The following SHISA9 variants were observed in gnomAD, a reference collection of about 807,000 sequenced individuals.
The protein encoded by SHISA9 is protein shisa-9.
In SHISA9, 13 loss-of-function variants were observed where a neutral mutation model predicts 38.0. The observed-to-expected ratio is 0.34, with a 90% CI of 0.22 to 0.54. The LOEUF (loss-of-function observed/expected upper bound fraction) is 0.54, where lower values mean the gene tolerates loss of function less well. Ranked by LOEUF, SHISA9 falls within the 20% of genes least tolerant of loss-of-function variation. The probability of loss-of-function intolerance (pLI) is 0.91; values close to 1 mark genes in which losing one functional copy is unlikely to be tolerated. For missense variants in SHISA9, 538 were observed against 575.8 expected, an observed-to-expected ratio of 0.93 and a Z score of 0.67; for synonymous variants, 275 against 242.0, an observed-to-expected ratio of 1.14 and a Z score of -1.27.
chr16:13,071,503 G>A (rs1342385849), intron 2 of SHISA9, among the ~76,000 whole-genome samples: 1 of 150,372 alleles, frequency 6.7e-6, no homozygotes, highest in Admixed American at 6.7e-5. Context: ...TTTAACCCTG[G>A]CCTTTCCATT....
intron 4 of SHISA9, among the ~76,000 whole-genome samples, chr16:13,231,750 G>A (rs537883180): frequency 2.0e-5 from 3 of 152,274 alleles, no homozygotes; most frequent in East Asian, 1.9e-4. Flanking sequence ...GAAAGAGTGC[G>A]GTGATCAATG....
chr16:13,374,109 G>A, the SHISA9 span, among the ~76,000 whole-genome samples: 1 of 152,130 alleles, frequency 6.6e-6, no homozygotes, highest in Non-Finnish European at 1.5e-5. Flanking sequence ...ACGTTGGCCA[G>A]CATTAGGCCA....
At chr16:12,911,458 A>G (rs1044329010) in intron 1 of SHISA9, 57 of 840,790 alleles carry the variant, frequency 6.8e-5, no homozygotes, top group Non-Finnish European at 8.0e-5. Flanking sequence ...CCCACGAACA[A>G]TGATTAGGTA....
rs542951886 is a variant in SHISA9, at chr16:13,109,015, C to T, written c.692-94379C>T. Among the ~76,000 whole-genome samples the T allele has an allele frequency of 5.3e-5, 8 of 152,284 alleles. No individual in the cohort carries two copies. The South Asian group carries it at 1.7e-3, about 32-fold the overall frequency. ...ATTCAGGGTGGCTGCTTTGACCTGG[C>T]TCTCTCTAGACTCCAGAGCATTTTG... On this transcript the variant is annotated intron_variant, in intron 2 of 4. Coordinates refer to ENST00000558583, the MANE Select transcript of SHISA9 (RefSeq NM_001145204.3).
At chr16:13,374,260 G>A in the SHISA9 span, among the ~76,000 whole-genome samples, 1 of 151,508 alleles carries the variant, frequency 6.6e-6, no homozygotes, top group African/African-American at 2.4e-5. Context: ...TTGGTGTGCT[G>A]CACCCGTTAA....
chr16:12,931,446 C>T (rs976062840), intron 2 of SHISA9, among the ~76,000 whole-genome samples: 2 of 152,120 alleles, frequency 1.3e-5, no homozygotes, highest in South Asian at 2.1e-4. Flanking sequence ...CTCCCTTTCT[C>T]GCCCTCTAGC....
chr16:13,285,320 T>C, the SHISA9 span, among the ~76,000 whole-genome samples: 1 of 152,172 alleles, frequency 6.6e-6, no homozygotes, highest in Non-Finnish European at 1.5e-5. Flanking sequence ...GTGGTATTTA[T>C]TGGTTGCTAT....
At chr16:13,048,516 G>C (rs2073213221) in intron 2 of SHISA9, among the ~76,000 whole-genome samples, 1 of 152,140 alleles carries the variant, frequency 6.6e-6, no homozygotes, top group Non-Finnish European at 1.5e-5. Flanking sequence ...CCACCTCCCA[G>C]GTTCAAGTGA....
At chr16:13,045,621 AGAGGGAGAGGG>A (rs2073178505) in intron 2 of SHISA9, among the ~76,000 whole-genome samples, 2 of 151,734 alleles carry the variant, frequency 1.3e-5, no homozygotes, top group Admixed American at 1.3e-4. Context: ...AGGGAGAGGG[AGAGGGAGAGGG>A]AGAGGGAGAA....
At chr16:13,030,309 G>T (rs1312674099) in intron 2 of SHISA9, among the ~76,000 whole-genome samples, 1 of 152,114 alleles carries the variant, frequency 6.6e-6, no homozygotes, top group Non-Finnish European at 1.5e-5. Context: ...TTCTAGAAGT[G>T]CTGGAGAGTC....
the SHISA9 span, among the ~76,000 whole-genome samples, chr16:13,370,748 C>T: frequency 6.6e-6 from 1 of 152,048 alleles, no homozygotes; most frequent in African/African-American, 2.4e-5. Context: ...AAACTACCCT[C>T]TATTTGAATG....
the SHISA9 span, among the ~76,000 whole-genome samples, chr16:13,519,403 C>T: frequency 2.6e-5 from 4 of 152,228 alleles, no homozygotes; most frequent in Admixed American, 6.5e-5. Context: ...CACAGCTCAA[C>T]GGGTGATGGG....
intron 4 of SHISA9, among the ~76,000 whole-genome samples, chr16:13,224,452 G>A (rs1454894567): frequency 6.6e-6 from 1 of 152,192 alleles, no homozygotes; most frequent in Non-Finnish European, 1.5e-5. Flanking sequence ...CAGACTGAAT[G>A]ACCAGGAGAT....
At chr16:13,183,433 C>T (rs762060710) in intron 2 of SHISA9, among the ~76,000 whole-genome samples, 1 of 152,238 alleles carries the variant, frequency 6.6e-6, no homozygotes, top group Non-Finnish European at 1.5e-5. Context: ...AAGATCTCTT[C>T]CCAATGTACT....
the SHISA9 span, among the ~76,000 whole-genome samples, chr16:13,384,453 T>C: frequency 1.3e-5 from 2 of 152,352 alleles, no homozygotes; most frequent in African/African-American, 4.8e-5. Context: ...TTGGAATAAG[T>C]AGAAGTATTC....
chr16:13,501,302 T>C, the SHISA9 span, among the ~76,000 whole-genome samples: 2 of 152,094 alleles, frequency 1.3e-5, no homozygotes, highest in East Asian at 1.9e-4. Context: ...AGTCCTGAGG[T>C]TGAAAAACTC....
At chr16:13,341,438 G>A in the SHISA9 span, among the ~76,000 whole-genome samples, 1 of 151,972 alleles carries the variant, frequency 6.6e-6, no homozygotes, top group African/African-American at 2.4e-5. Flanking sequence ...GTAAGGAGAT[G>A]GAGATTGAAA....
At chr16:13,264,168 ATC>A in the SHISA9 span, among the ~76,000 whole-genome samples, 2 of 137,936 alleles carry the variant, frequency 1.4e-5, no homozygotes, top group Non-Finnish European at 3.1e-5. Flanking sequence ...ATTGTTTTAA[ATC>A]TTTTTTTTTT....
At chr16:13,143,181 TG>T (rs1596678326) in intron 2 of SHISA9, among the ~76,000 whole-genome samples, 1 of 152,028 alleles carries the variant, frequency 6.6e-6, no homozygotes, top group East Asian at 1.9e-4. Flanking sequence ...AACTATTTTT[TG>T]TATTTTTGGT....
Sources: allele counts gnomAD v4.1 joint callset (sites outside exome capture counted in the v4.1 genomes callset), GRCh38; gene constraint gnomAD v4.1.1; transcripts MANE v1.5; gene names NCBI Gene and HGNC (gene_info 2026-07-23, HGNC 2026-07-21).